WIPF2: variants seen among roughly 807,000 people sequenced by gnomAD.
The protein encoded by WIPF2 is WAS/WASL interacting protein family member 2, also known as WAS/WASL-interacting protein family member 2.
In WIPF2, 23 loss-of-function variants were observed where a neutral mutation model predicts 38.8. That is an observed-to-expected ratio of 0.59 (90% CI 0.43 to 0.84). WIPF2 has a LOEUF of 0.84. Ranked by LOEUF, WIPF2 falls within the 40% of genes least tolerant of loss-of-function variation. The pLI is 0.00. For missense variants in WIPF2, 574 were observed against 580.5 expected, an observed-to-expected ratio of 0.99 and a Z score of 0.11; for synonymous variants, 210 against 223.2, an observed-to-expected ratio of 0.94 and a Z score of 0.53.
chr17:40,260,524 T>C lies in WIPF2; in HGVS notation c.64-11T>C. On this transcript the variant is annotated splice_polypyrimidine_tract_variant and intron_variant, in intron 2 of 7. Coordinates refer to ENST00000323571, the MANE Select transcript of WIPF2 (RefSeq NM_133264.5). ...TCTTTAGGGTGAACTTATATTTCTC[T>C]TATCCTCCAGGCAAACACAGAGCAG... 1 of 1,613,532 alleles carries C rather than the reference T, an allele frequency of 6.2e-7. No individual in the cohort carries two copies. Among genetic ancestry groups the C allele is most frequent in the Non-Finnish European group, 8.5e-7 (1 of 1,179,758 alleles).
At chr17:40,238,360 A>G (rs931241766) in intron 1 of WIPF2, among the ~76,000 whole-genome samples, 1 of 151,916 alleles carries the variant, frequency 6.6e-6, no homozygotes, top group African/African-American at 2.4e-5. Flanking sequence ...CTGGAGTACA[A>G]TGGCACGATC....
At chr17:40,274,048 C>T (rs2032319510) in intron 6 of WIPF2, 49 bp downstream of exon 6, 5 of 1,444,814 alleles carry the variant, frequency 3.5e-6, no homozygotes, top group African/African-American at 1.4e-5. Context: ...GTGACTTCAC[C>T]CACTCCAGTG....
intron 1 of WIPF2, among the ~76,000 whole-genome samples, chr17:40,227,035 C>T (rs1021661761): frequency 1.3e-5 from 2 of 151,444 alleles, no homozygotes; most frequent in African/African-American, 4.9e-5. Context: ...GCCACCACGC[C>T]CAGCCTATTT....
chr17:40,231,612 A>G (rs1234274719), intron 1 of WIPF2, among the ~76,000 whole-genome samples: 1 of 151,880 alleles, frequency 6.6e-6, no homozygotes, highest in Admixed American at 6.6e-5. Context: ...TTTAGTAGAG[A>G]CAGGGTTTCA....
chr17:40,234,801 A>G (rs758893589), intron 1 of WIPF2, among the ~76,000 whole-genome samples: 29 of 152,198 alleles, frequency 1.9e-4, no homozygotes, highest in Non-Finnish European at 2.6e-4. Flanking sequence ...TTTGCAGAAA[A>G]TTAGAAATGG....
Position 40,282,467 on chromosome 17 carries a change from G to A in WIPF2, c.*4242G>A, listed in dbSNP as rs186137725. On this transcript the variant is annotated 3_prime_UTR_variant, in exon 8 of 8. Transcript: ENST00000323571. ...CACGTGTGCGTGCGCACGCGTGTGCGTGTGTGTGTTCATCTGTCTGCATGT... is the reference window on the plus strand; with the variant it reads ...CACGTGTGCGTGCGCACGCGTGTGCATGTGTGTGTTCATCTGTCTGCATGT... The A allele has an allele frequency of 3.4e-5, 5 of 146,276 alleles. No individual in the cohort carries two copies. Among genetic ancestry groups the A allele is most frequent in the Admixed American group, 1.3e-4 (2 of 15,036 alleles). The allele number at this position is 146,276 out of a possible 1,614,324, so 9.1% of individuals were successfully genotyped here. A position where few individuals can be genotyped will look rare whatever the true frequency, so the allele number is the denominator to read the frequency against.
In WIPF2 at chr17:40,256,915, T is replaced by C. The variant is rs558128186; in HGVS notation, c.63+393T>C. ...TGGAGTTGGAGCTAGTGTTTTCCCCTAAAACTATTTGCTGTATAAAAGTTA... is the reference window on the plus strand; with the variant it reads ...TGGAGTTGGAGCTAGTGTTTTCCCCCAAAACTATTTGCTGTATAAAAGTTA... On this transcript the variant is annotated intron_variant, in intron 2 of 7. Coordinates refer to ENST00000323571, the MANE Select transcript of WIPF2 (RefSeq NM_133264.5). Among the ~76,000 whole-genome samples, 4 of 152,282 alleles carry C rather than the reference T, an allele frequency of 2.6e-5. No individual in the cohort carries two copies. The South Asian group carries it at 6.2e-4, about 24-fold the overall frequency.
chr17:40,265,631 C>T (rs888358046), intron 5 of WIPF2, among the ~76,000 whole-genome samples: 1 of 152,018 alleles, frequency 6.6e-6, no homozygotes, highest in Non-Finnish European at 1.5e-5. Context: ...GCAAGGGGGC[C>T]ATTGTGGCAA....
intron 5 of WIPF2, among the ~76,000 whole-genome samples, chr17:40,265,585 A>G (rs932267264): frequency 2.0e-5 from 3 of 152,166 alleles, no homozygotes; most frequent in African/African-American, 7.2e-5. Context: ...TGCAGAGGCC[A>G]TAAGGCAGAA....
At chr17:40,225,331 TA>T (rs367969388) in intron 1 of WIPF2, among the ~76,000 whole-genome samples, 72 of 147,502 alleles carry the variant, frequency 4.9e-4, no homozygotes, top group Middle Eastern at 3.5e-3. Flanking sequence ...AGAGGGCTAC[TA>T]AAAAAAAAAT....
At chr17:40,253,244 A>G (rs2031615501) in intron 1 of WIPF2, among the ~76,000 whole-genome samples, 1 of 151,538 alleles carries the variant, frequency 6.6e-6, no homozygotes, top group African/African-American at 2.4e-5. Flanking sequence ...TTGTATTTTT[A>G]GTAGAGACAG....
intron 2 of WIPF2, among the ~76,000 whole-genome samples, chr17:40,259,549 C>G (rs891548998): frequency 6.6e-6 from 1 of 151,836 alleles, no homozygotes; most frequent in South Asian, 2.1e-4. Context: ...AATGATGTGA[C>G]GTTAACTGTC....
In WIPF2 at chr17:40,262,531, A is replaced by G. The variant is rs1437901547; in HGVS notation, c.203A>G (p.Lys68Arg). 6.2e-7 allele frequency: 1 copy of G among 1,613,894 alleles called. No individual in the cohort carries two copies. Among genetic ancestry groups the G allele is most frequent in the Non-Finnish European group, 8.5e-7 (1 of 1,179,836 alleles). The change falls in exon 4 of 8, where the codon AAA becomes AGA. Residue 68 changes from lysine (K) to arginine (R), a missense_variant. Transcript: ENST00000323571. ...CTACTGGTATGCTTTCCAGAGCCGA[A>G]AGGAAGCAGTGGTGGCTATGGCTCT... is the stretch of plus-strand genomic sequence containing the variant. ...DRSAPILEKP[K>R]GSSGGYGSGG...
intron 1 of WIPF2, among the ~76,000 whole-genome samples, chr17:40,227,583 T>TG (rs2030547145): frequency 6.6e-6 from 1 of 151,946 alleles, no homozygotes; most frequent in South Asian, 2.1e-4. Flanking sequence ...CTGGTTGCGG[T>TG]GGCTCACACC....
At chr17:40,248,784 G>C (rs775662522) in intron 1 of WIPF2, among the ~76,000 whole-genome samples, 2 of 152,172 alleles carry the variant, frequency 1.3e-5, no homozygotes, top group African/African-American at 2.4e-5. Context: ...AGCTGTTGTG[G>C]TTTTTTCAGA....
At chr17:40,231,946 T>A (rs924568935) in intron 1 of WIPF2, among the ~76,000 whole-genome samples, 7 of 151,008 alleles carry the variant, frequency 4.6e-5, no homozygotes, top group Non-Finnish European at 1.0e-4. Context: ...TTTTTTTTTT[T>A]TTTTTTAGCA....
intron 1 of WIPF2, among the ~76,000 whole-genome samples, chr17:40,255,714 C>T (rs1251250868): frequency 1.1e-4 from 16 of 145,370 alleles, no homozygotes; most frequent in Admixed American, 2.0e-4. Flanking sequence ...CTGCAAGCTC[C>T]GCCTCCTGGT....
chr17:40,245,433 C>T (rs2031332828), intron 1 of WIPF2, among the ~76,000 whole-genome samples: 1 of 151,908 alleles, frequency 6.6e-6, no homozygotes, highest in Non-Finnish European at 1.5e-5. Context: ...ACCTCCACCT[C>T]CCGGGTTCAA....
At chr17:40,249,506 A>G (rs1400497664) in intron 1 of WIPF2, among the ~76,000 whole-genome samples, 5 of 151,800 alleles carry the variant, frequency 3.3e-5, no homozygotes, top group African/African-American at 9.7e-5. Flanking sequence ...CTAGAGTGCA[A>G]TGGCGCAATC....
Sources: gnomAD v4.1 joint callset for allele counts (sites outside exome capture counted in the v4.1 genomes callset) on GRCh38, gnomAD v4.1.1 for gene constraint, MANE v1.5 for transcripts, NCBI Gene and HGNC (gene_info 2026-07-23, HGNC 2026-07-21) for gene names.